Variants in DNER observed in about 807,000 individuals in gnomAD.
DNER encodes delta and Notch-like epidermal growth factor-related receptor.
A neutral mutation model predicts 78.2 loss-of-function variants in DNER; 33 were observed. The observed-to-expected ratio is 0.42, with a 90% CI of 0.32 to 0.56. The LOEUF (loss-of-function observed/expected upper bound fraction) is 0.56. DNER is among the 20% of genes least tolerant of loss of function. The pLI is 0.11. For synonymous variants in DNER, 417 were observed against 384.8 expected (o/e 1.08, Z -0.98); for missense variants, 918 against 975.3 (o/e 0.94, Z 0.78).
chr2:229,507,508 A>C (rs918982961), intron 6 of DNER, among the ~76,000 whole-genome samples: 3 of 152,228 alleles, frequency 2.0e-5, no homozygotes, highest in African/African-American at 7.2e-5. Context: ...CGTTTCTGGA[A>C]ATTTCAAATC....
chr2:229,399,543 T>C (rs1693224346), intron 10 of DNER, among the ~76,000 whole-genome samples: 3 of 152,064 alleles, frequency 2.0e-5, no homozygotes, highest in Admixed American at 2.0e-4. Context: ...TATTGTAAAA[T>C]TTATATGAAA....
intron 1 of DNER, among the ~76,000 whole-genome samples, chr2:229,633,392 A>G (rs1259066360): frequency 6.6e-6 from 1 of 152,236 alleles, no homozygotes; most frequent in Non-Finnish European, 1.5e-5. Context: ...AACAAAAATT[A>G]TTGGAGTTAT....
intron 11 of DNER, among the ~76,000 whole-genome samples, chr2:229,372,501 A>G (rs1406558223): frequency 1.3e-5 from 2 of 152,204 alleles, no homozygotes; most frequent in Non-Finnish European, 2.9e-5. Context: ...GAAGAACAGC[A>G]TGACTGCTTG....
intron 5 of DNER, 31 bp from the exon 6 acceptor site, chr2:229,512,967 AC>A (rs1410716033): frequency 1.2e-6 from 2 of 1,605,222 alleles, no homozygotes; most frequent in Non-Finnish European, 1.7e-6. Context: ...AGTGTCTATT[AC>A]CTGGCACCTC....
At chr2:229,670,102 C>A (rs1699182309) in intron 1 of DNER, among the ~76,000 whole-genome samples, 1 of 152,222 alleles carries the variant, frequency 6.6e-6, no homozygotes, top group African/African-American at 2.4e-5. Flanking sequence ...GCTGTTGCAG[C>A]AATCCTCACC....
intron 1 of DNER, among the ~76,000 whole-genome samples, chr2:229,618,296 A>T (rs892642013): frequency 1.3e-5 from 2 of 152,262 alleles, no homozygotes; most frequent in Admixed American, 6.5e-5. Context: ...AGGAGAAGAC[A>T]CTGTCAGTCT....
chr2:229,543,954 G>A (rs1453015441), intron 5 of DNER, among the ~76,000 whole-genome samples: 1 of 151,924 alleles, frequency 6.6e-6, no homozygotes, highest in Non-Finnish European at 1.5e-5. Context: ...CTCCATAGCA[G>A]CATCGACCAT....
chr2:229,484,923 T>A (rs7576358), intron 6 of DNER, among the ~76,000 whole-genome samples: 19,006 of 152,130 alleles, frequency 0.12, 1,330 homozygotes, highest in South Asian at 0.2. Flanking sequence ...GAACATTTTT[T>A]AAAAATCAGC....
At chr2:229,424,378 T>C (rs1368007288) in intron 8 of DNER, among the ~76,000 whole-genome samples, 1 of 152,242 alleles carries the variant, frequency 6.6e-6, no homozygotes, top group Non-Finnish European at 1.5e-5. Context: ...CTTCCTTCTT[T>C]CCCATGTTGC....
rs1055313829 is a variant in DNER at position 229,358,641 on chromosome 2, T to C, written c.2113A>G (p.Lys705Glu). The C allele has an allele frequency of 6.2e-7, 1 of 1,613,444 alleles. No homozygotes were observed. Among genetic ancestry groups the C allele is most frequent in the African/African-American group, 1.3e-5 (1 of 74,936 alleles). ...ACATCATACATTGCAGGCCGGGATT[T>C]CTTTCCAAACCTGAAATCAGAGAGA... ...ASIRHARFGKKSRPAMYDVSP... is the reference protein window; with the variant it reads ...ASIRHARFGKESRPAMYDVSP... Residue 705 changes from lysine (K) to glutamate (E), a missense_variant, in exon 13 of 13, where the codon AAA becomes GAA. Physicochemically the swap from Lys to Glu is moderately conservative, Grantham distance 56. Transcript: ENST00000341772.
At chr2:229,585,660 C>CA (rs1553541555) in intron 4 of DNER, among the ~76,000 whole-genome samples, 198 bp downstream of exon 4, 3 of 134,344 alleles carry the variant, frequency 2.2e-5, no homozygotes, top group African/African-American at 8.7e-5. Context: ...ACTCCATCAT[C>CA]AAAAAAAAAA....
rs373445016 is a variant in DNER, at chr2:229,394,386, T to A, written c.1724-5990A>T. The stretch of plus-strand genomic sequence containing the variant: ...GCCCAAGACACAGACAGGCTTCTCT[T>A]CGTAAGTCCCTATTAAACATTTCTT... On this transcript the variant is annotated intron_variant, in intron 10 of 12. Coordinates refer to ENST00000341772, the MANE Select transcript of DNER (RefSeq NM_139072.4). Among the ~76,000 whole-genome samples the A allele has an allele frequency of 2.0e-4, 31 of 151,878 alleles. 1 individual carries two copies. Among genetic ancestry groups the A allele is most frequent in the African/African-American group, 6.5e-4 (27 of 41,518 alleles).
At chr2:229,620,699 T>G (rs6727393) in intron 1 of DNER, among the ~76,000 whole-genome samples, 32,599 of 152,152 alleles carry the variant, frequency 0.21, 4,291 homozygotes, top group African/African-American at 0.35. Context: ...CTGAATTGCA[T>G]CCCCCCAAAA....
chr2:229,370,846 C>A (rs1036760790), intron 11 of DNER, among the ~76,000 whole-genome samples: 1 of 152,132 alleles, frequency 6.6e-6, no homozygotes, highest in Non-Finnish European at 1.5e-5. Flanking sequence ...TTGCAGTCTA[C>A]GCATAAGCTT....
At chr2:229,561,046 T>C (rs926255456) in intron 4 of DNER, among the ~76,000 whole-genome samples, 2 of 152,174 alleles carry the variant, frequency 1.3e-5, no homozygotes, top group African/African-American at 4.8e-5. Context: ...CAACTAAAGG[T>C]TACTTGTGGT....
At chr2:229,450,900 A>G (rs888549806) in intron 7 of DNER, among the ~76,000 whole-genome samples, 8 of 152,190 alleles carry the variant, frequency 5.3e-5, no homozygotes, top group African/African-American at 1.9e-4. Context: ...GCAGCCTGAG[A>G]AGACTCATAC....
chr2:229,649,034 G>A (rs1005320021), intron 1 of DNER, among the ~76,000 whole-genome samples: 1 of 152,194 alleles, frequency 6.6e-6, no homozygotes, highest in South Asian at 2.1e-4. Flanking sequence ...CTGTCCTGAA[G>A]TCACTACATT....
At chr2:229,479,060 G>A (rs62191993) in intron 6 of DNER, among the ~76,000 whole-genome samples, 29,402 of 152,130 alleles carry the variant, frequency 0.19, 3,157 homozygotes, top group East Asian at 0.38. Context: ...GTGAGAACAT[G>A]TGGTGTTTGG....
intron 6 of DNER, among the ~76,000 whole-genome samples, chr2:229,480,971 A>G (rs567369935): frequency 6.6e-6 from 1 of 152,330 alleles, no homozygotes; most frequent in South Asian, 2.1e-4. Flanking sequence ...ATGGAGGAGC[A>G]TGGACTGGGG....
Sources: allele counts gnomAD v4.1 joint callset (sites outside exome capture counted in the v4.1 genomes callset), GRCh38; gene constraint gnomAD v4.1.1; transcripts MANE v1.5; gene names NCBI Gene and HGNC (gene_info 2026-07-23, HGNC 2026-07-21).